ALKBH8: variants seen among roughly 807,000 people sequenced by gnomAD.
ALKBH8 encodes alkB homolog 8, tRNA methyltransferase.
In ALKBH8, 36 loss-of-function variants were observed where a neutral mutation model predicts 59.8. That is an observed-to-expected ratio of 0.60 (90% CI 0.46 to 0.79). The LOEUF is 0.79. Ranked by LOEUF, ALKBH8 falls within the 30% of genes least tolerant of loss-of-function variation. The probability of loss-of-function intolerance (pLI) is 0.00; values close to 1 mark genes in which losing one functional copy is unlikely to be tolerated. For synonymous variants in ALKBH8, 276 were observed against 273.6 expected (o/e 1.01, Z -0.09); for missense variants, 768 against 801.0 (o/e 0.96, Z 0.50).
In ALKBH8 at chr11:107,556,838, T is replaced by C; in HGVS notation, c.295A>G (p.Thr99Ala). The change falls in exon 3 of 12, where the codon ACC becomes GCC. Residue 99 changes from threonine to alanine, a missense_variant. Transcript: ENST00000428149. ...TTEESKRAYVTLNGKEVVDDL... is the reference protein window; with the variant it reads ...TTEESKRAYVALNGKEVVDDL... Reference sequence around the variant, plus strand: ...TCCACTACTTCTTTTCCATTGAGGGTAACATAGGCTCTCTTAGATTCTTCT... The same window carrying C: ...TCCACTACTTCTTTTCCATTGAGGGCAACATAGGCTCTCTTAGATTCTTCT... 1 of 1,569,266 alleles carries C rather than the reference T, an allele frequency of 6.4e-7. No individual in the cohort carries two copies. The highest frequency in any genetic ancestry group is 8.6e-7 in the Non-Finnish European group (1 of 1,158,696).
At chr11:107,537,211 T>C (rs1306912218) in intron 7 of ALKBH8, among the ~76,000 whole-genome samples, 3 of 152,250 alleles carry the variant, frequency 2.0e-5, no homozygotes, top group Non-Finnish European at 4.4e-5. Flanking sequence ...GTTTCCACTA[T>C]TCTGGTAAAA....
intron 7 of ALKBH8, among the ~76,000 whole-genome samples, chr11:107,532,861 T>C (rs990503165): frequency 6.6e-6 from 1 of 152,162 alleles, no homozygotes; most frequent in Non-Finnish European, 1.5e-5. Context: ...ATAAATTATA[T>C]AGACAATTAT....
intron 7 of ALKBH8, among the ~76,000 whole-genome samples, chr11:107,533,041 A>C (rs901343209): frequency 5.3e-5 from 8 of 152,134 alleles, no homozygotes; most frequent in African/African-American, 1.9e-4. Flanking sequence ...ATAAAGAGAC[A>C]ATCAAAAAAA....
chr11:107,539,492 G>T (rs979102700), intron 7 of ALKBH8, among the ~76,000 whole-genome samples: 2 of 152,046 alleles, frequency 1.3e-5, no homozygotes, highest in Non-Finnish European at 2.9e-5. Context: ...CCAGCTACTT[G>T]GGAGGCTGAG....
At chr11:107,512,924 T>A (rs1448409220) in intron 10 of ALKBH8, among the ~76,000 whole-genome samples, 3 of 152,108 alleles carry the variant, frequency 2.0e-5, no homozygotes, top group African/African-American at 7.2e-5. Flanking sequence ...TGATTAAATG[T>A]AAAACCTAAG....
intron 4 of ALKBH8, 99 bp downstream of exon 4, chr11:107,553,748 G>A (rs1591320392): frequency 1.5e-6 from 2 of 1,324,498 alleles, no homozygotes; most frequent in East Asian, 2.5e-5. Flanking sequence ...GCTAGTTTCA[G>A]TAATTTTGAG....
At chr11:107,545,099 A>G (rs1864196100) in intron 7 of ALKBH8, among the ~76,000 whole-genome samples, 1 of 152,092 alleles carries the variant, frequency 6.6e-6, no homozygotes, top group Admixed American at 6.6e-5. Context: ...CTAAAAGAAG[A>G]GATTGTTTGG....
chr11:107,506,533 C>T (rs1862394066), intron 11 of ALKBH8, among the ~76,000 whole-genome samples: 1 of 151,714 alleles, frequency 6.6e-6, no homozygotes, highest in South Asian at 2.1e-4. Flanking sequence ...ATTAAGAAGT[C>T]GGAAATTCTA....
intron 1 of ALKBH8, chr11:107,565,379 C>G (rs909385181): frequency 1.6e-6 from 1 of 609,080 alleles, no homozygotes; most frequent in Non-Finnish European, 2.9e-6. Flanking sequence ...ACCACGTGAG[C>G]GCCCGAACCA....
intron 10 of ALKBH8, among the ~76,000 whole-genome samples, chr11:107,516,568 C>T (rs1412083891): frequency 1.3e-5 from 2 of 151,946 alleles, no homozygotes; most frequent in Non-Finnish European, 1.5e-5. Context: ...GGATATGACC[C>T]CAAAAACAAA....
At chr11:107,565,550 G>C in intron 1 of ALKBH8, 51 bp downstream of exon 1, 1 of 1,535,430 alleles carries the variant, frequency 6.5e-7, no homozygotes, top group Non-Finnish European at 8.7e-7. Flanking sequence ...GCTGAAAAGA[G>C]GAAGCGGTGA....
At chr11:107,509,759 AG>A (rs1348571033) in intron 11 of ALKBH8, among the ~76,000 whole-genome samples, 2 of 152,206 alleles carry the variant, frequency 1.3e-5, no homozygotes, top group Non-Finnish European at 2.9e-5. Flanking sequence ...AGATATGTAG[AG>A]AAAGTTGGAC....
chr11:107,517,340 A>G (rs994664197), intron 10 of ALKBH8, among the ~76,000 whole-genome samples: 7 of 152,206 alleles, frequency 4.6e-5, no homozygotes, highest in African/African-American at 1.4e-4. Flanking sequence ...GACAGCCACT[A>G]GGGAAAACAG....
intron 3 of ALKBH8, among the ~76,000 whole-genome samples, chr11:107,555,290 C>G (rs913654391): frequency 6.6e-6 from 1 of 152,040 alleles, no homozygotes; most frequent in African/African-American, 2.4e-5. Flanking sequence ...ATTTGTGACA[C>G]ACTTCTGTTC....
At position 107,546,654 on chromosome 11, in the gene ALKBH8, G is replaced by C. The variant is rs571899151; in HGVS notation, c.771+3099C>G. On this transcript the variant is annotated intron_variant, in intron 7 of 11. Coordinates refer to ENST00000428149, the MANE Select transcript of ALKBH8 (RefSeq NM_138775.3). ...GTTATATGAGATATTAACTTGTTTT[G>C]CCTTGTAATCATTTTTATTTGGGTT... Among the ~76,000 whole-genome samples the C allele has an allele frequency of 9.9e-5, 15 of 152,122 alleles. No homozygotes were observed. In the East Asian group the frequency reaches 2.5e-3, roughly 25 times the overall value.
intron 1 of ALKBH8, chr11:107,565,340 C>A: frequency 1.7e-6 from 1 of 571,824 alleles, no homozygotes. Flanking sequence ...CCTCTCCAAC[C>A]CCAAAGAAAA....
chr11:107,526,663 A>G (rs1023881520), intron 8 of ALKBH8, among the ~76,000 whole-genome samples: 1 of 152,002 alleles, frequency 6.6e-6, no homozygotes, highest in African/African-American at 2.4e-5. Context: ...CAAGGTCACA[A>G]AAACAGTTTT....
intron 1 of ALKBH8, among the ~76,000 whole-genome samples, chr11:107,561,929 A>C (rs575305823): frequency 2.6e-4 from 39 of 152,350 alleles, no homozygotes; most frequent in Non-Finnish European, 3.7e-4. Context: ...CAAACACTAA[A>C]CAATAAGACT....
At position 107,522,512 on chromosome 11, in the gene ALKBH8, G is replaced by A. The variant is rs764532634; in HGVS notation, c.1074C>T (p.Pro358=). ...CTTCTTTATCACTCTCTGGAAATGA[G>A]GGGGGAGTCTCTTTCCTCTGGCTAT... ...VCDSQRKETP[P]SFPESDKEAS... is the part of the protein sequence containing the mutation. Residue 358 remains proline, a synonymous_variant, in exon 10 of 12, where the codon CCC becomes CCT. Transcript: ENST00000428149. 9 of 1,551,556 alleles carry A rather than the reference G, an allele frequency of 5.8e-6. No individual in the cohort carries two copies. Among genetic ancestry groups the A allele is most frequent in the Non-Finnish European group, 7.8e-6 (9 of 1,146,908 alleles).
Sources: allele counts gnomAD v4.1 joint callset (sites outside exome capture counted in the v4.1 genomes callset), GRCh38; gene constraint gnomAD v4.1.1; transcripts MANE v1.5; gene names NCBI Gene and HGNC (gene_info 2026-07-23, HGNC 2026-07-21).